Variants in CAST observed in about 807,000 individuals in gnomAD.
CAST encodes the protein calpastatin.
CAST carries 76 observed loss-of-function variants against 119.6 expected under a neutral mutation model. The ratio of observed to expected loss-of-function variants is 0.64; its 90% CI spans 0.53 to 0.77. CAST has a LOEUF of 0.77. CAST is among the 30% of genes least tolerant of loss of function. The probability of loss-of-function intolerance (pLI) is 0.00; values close to 1 mark genes in which losing one functional copy is unlikely to be tolerated. For synonymous variants in CAST, 319 were observed against 331.6 expected (o/e 0.96, Z 0.41); for missense variants, 953 against 946.5 (o/e 1.01, Z -0.09).
chr5:96,019,195 A>G, the CAST span, among the ~76,000 whole-genome samples: 406 of 152,322 alleles, frequency 2.7e-3, 1 homozygote, highest in African/African-American at 8.7e-3. Flanking sequence ...TAGCTTATTC[A>G]GGAGGATCAC....
chr5:96,452,735 G>A, the CAST span, among the ~76,000 whole-genome samples: 365 of 144,854 alleles, frequency 2.5e-3, 2 homozygotes, highest in African/African-American at 9.1e-3. Flanking sequence ...TGGATCATGA[G>A]GTCAGGAGAT....
intron 3 of CAST, among the ~76,000 whole-genome samples, chr5:96,713,882 G>A (rs191667730): frequency 3.3e-5 from 5 of 152,196 alleles, no homozygotes; most frequent in South Asian, 2.1e-4. Flanking sequence ...GGCTGAGACC[G>A]GAGAATTGCT....
At chr5:96,095,422 A>G in the CAST span, among the ~76,000 whole-genome samples, 2 of 151,834 alleles carry the variant, frequency 1.3e-5, no homozygotes, top group African/African-American at 4.8e-5. Flanking sequence ...AAAAAAAAAC[A>G]ATTAGCCAGG....
At chr5:96,582,230 T>C (rs1746782935) in intron 1 of CAST, among the ~76,000 whole-genome samples, 1 of 152,228 alleles carries the variant, frequency 6.6e-6, no homozygotes, top group African/African-American at 2.4e-5. Context: ...TTTATTTATA[T>C]CTGCTCTCCT....
intron 2 of CAST, 101 bp downstream of exon 2, chr5:96,675,702 C>A: frequency 1.2e-6 from 1 of 815,772 alleles, no homozygotes; most frequent in Non-Finnish European, 1.9e-6. Flanking sequence ...TTCTACCTTG[C>A]TTAATATTGG....
At chr5:96,768,535 T>C (rs1193715150) in intron 29 of CAST, 1 of 371,936 alleles carries the variant, frequency 2.7e-6, no homozygotes, top group East Asian at 7.6e-5. Flanking sequence ...TACATAATTA[T>C]ACTTACAGTC....
intron 2 of CAST, among the ~76,000 whole-genome samples, chr5:96,680,260 CAGG>C (rs1561465943): frequency 6.9e-6 from 1 of 144,782 alleles, no homozygotes; most frequent in African/African-American, 2.5e-5. Context: ...GAGGCTGAGG[CAGG>C]AGAATTGCTT....
At chr5:96,120,066 T>C in the CAST span, among the ~76,000 whole-genome samples, 1 of 152,160 alleles carries the variant, frequency 6.6e-6, no homozygotes, top group Non-Finnish European at 1.5e-5. Flanking sequence ...AGATAGCAAA[T>C]AGTATCTAAT....
At chr5:96,278,780 A>T in the CAST span, 3 of 152,238 alleles carry the variant, frequency 2.0e-5, no homozygotes, top group East Asian at 5.8e-4. Flanking sequence ...TACACTGTGC[A>T]TGTATGCACA....
the CAST span, among the ~76,000 whole-genome samples, chr5:96,515,771 C>G: frequency 6.6e-6 from 1 of 152,238 alleles, no homozygotes; most frequent in Non-Finnish European, 1.5e-5. Context: ...CCTGAAGAGA[C>G]TCTGGCAATG....
the CAST span, among the ~76,000 whole-genome samples, chr5:95,977,979 G>GTT: frequency 2.8e-5 from 4 of 144,544 alleles, no homozygotes; most frequent in Non-Finnish European, 4.6e-5. Flanking sequence ...CAGGATCTTG[G>GTT]TTTTTTTTTT....
chr5:96,132,818 T>C, the CAST span, among the ~76,000 whole-genome samples: 4 of 152,176 alleles, frequency 2.6e-5, no homozygotes, highest in Non-Finnish European at 5.9e-5. Flanking sequence ...GTCCCAGCTG[T>C]AGTAAACCTA....
chr5:95,961,864 A>C, the CAST span: 2 of 1,096,484 alleles, frequency 1.8e-6, no homozygotes, highest in Non-Finnish European at 2.4e-6. Flanking sequence ...GCGGAGCCAG[A>C]CCTCGGACTG....
the CAST span, among the ~76,000 whole-genome samples, chr5:96,116,109 C>T: frequency 6.6e-6 from 1 of 152,240 alleles, no homozygotes; most frequent in East Asian, 1.9e-4. Flanking sequence ...TATCCGTTCT[C>T]CTGACCTCTG....
chr5:96,381,081 A>C, the CAST span, among the ~76,000 whole-genome samples: 2 of 152,162 alleles, frequency 1.3e-5, no homozygotes, highest in South Asian at 4.1e-4. Context: ...CATATACTTC[A>C]ACCAAAATTT....
chr5:96,079,471 T>G, the CAST span, among the ~76,000 whole-genome samples: 1 of 152,220 alleles, frequency 6.6e-6, no homozygotes, highest in African/African-American at 2.4e-5. Context: ...TGAAGAGATA[T>G]CTTGGGATAA....
chr5:96,526,323 G>A (rs1745596817), upstream of CAST, among the ~76,000 whole-genome samples: 1 of 152,206 alleles, frequency 6.6e-6, no homozygotes, highest in Admixed American at 6.5e-5. Context: ...AGGGAGGAAG[G>A]TGCAGATAAA....
At chr5:96,414,795 T>C in the CAST span, among the ~76,000 whole-genome samples, 1 of 152,238 alleles carries the variant, frequency 6.6e-6, no homozygotes, top group East Asian at 1.9e-4. Flanking sequence ...ATTACATAAT[T>C]TGTGCTTCTC....
At chr5:96,542,316 A>AAGAAAAAAG (rs76079697) in intron 1 of CAST, among the ~76,000 whole-genome samples, 1 of 151,376 alleles carries the variant, frequency 6.6e-6, no homozygotes, top group Non-Finnish European at 1.5e-5. Context: ...CTCAAAAAAA[A>AAGAAAAAAG]AAAAAAAGAC....
Sources: allele counts gnomAD v4.1 joint callset (sites outside exome capture counted in the v4.1 genomes callset), GRCh38; gene constraint gnomAD v4.1.1; transcripts MANE v1.5; gene names NCBI Gene and HGNC (gene_info 2026-07-23, HGNC 2026-07-21).